TNFAIP8: variants seen among roughly 807,000 people sequenced by gnomAD.
The protein encoded by TNFAIP8 is TNF alpha induced protein 8, also known as tumor necrosis factor alpha-induced protein 8.
Under a neutral mutation model 13.3 loss-of-function variants are expected in TNFAIP8, and 7 were observed. The ratio of observed to expected loss-of-function variants is 0.52; its 90% CI spans 0.30 to 0.99. TNFAIP8 has a LOEUF of 0.99. Ranked by LOEUF, TNFAIP8 falls within the 50% of genes least tolerant of loss-of-function variation. TNFAIP8 has a pLI of 0.07. For synonymous variants in TNFAIP8, 94 were observed against 87.6 expected (o/e 1.07, Z -0.41); for missense variants, 258 against 236.9 (o/e 1.09, Z -0.58).
intron 1 of TNFAIP8, among the ~76,000 whole-genome samples, chr5:119,285,508 C>T (rs1279066697): frequency 6.6e-6 from 1 of 152,084 alleles, no homozygotes; most frequent in Middle Eastern, 3.2e-3. Context: ...CCAGGAGGCT[C>T]CAGAACTACA....
chr5:119,345,504 A>G (rs1049536334), intron 1 of TNFAIP8, among the ~76,000 whole-genome samples: 1 of 152,244 alleles, frequency 6.6e-6, no homozygotes, highest in African/African-American at 2.4e-5. Flanking sequence ...TACACATACA[A>G]TGGAATATCA....
chr5:119,388,262 C>T (rs1271769991), intron 1 of TNFAIP8, among the ~76,000 whole-genome samples: 6 of 152,114 alleles, frequency 3.9e-5, no homozygotes, highest in Non-Finnish European at 7.4e-5. Flanking sequence ...TACTCTGGAG[C>T]GCACTTAGAG....
upstream of TNFAIP8, chr5:119,355,271 C>G (rs1228415321): frequency 1.3e-5 from 9 of 700,288 alleles, no homozygotes; most frequent in African/African-American, 3.5e-5. Flanking sequence ...GTGCTCTCCC[C>G]CTGAGGAAGG....
chr5:119,290,572 T>C (rs1340159575), intron 1 of TNFAIP8, among the ~76,000 whole-genome samples: 1 of 152,228 alleles, frequency 6.6e-6, no homozygotes, highest in Non-Finnish European at 1.5e-5. Flanking sequence ...TTGCTTGATC[T>C]CCATTGCTGT....
chr5:119,337,773 A>G (rs1750601945), intron 1 of TNFAIP8, among the ~76,000 whole-genome samples: 1 of 152,138 alleles, frequency 6.6e-6, no homozygotes, highest in Admixed American at 6.5e-5. Context: ...CATGTGGGAG[A>G]TGGAGAATGA....
intron 1 of TNFAIP8, among the ~76,000 whole-genome samples, chr5:119,380,859 T>G (rs1440114242): frequency 6.6e-6 from 1 of 152,218 alleles, no homozygotes; most frequent in East Asian, 1.9e-4. Context: ...TATAGTGAGC[T>G]CTGTTTAGAA....
At chr5:119,282,227 T>G (rs1315267469) in intron 1 of TNFAIP8, among the ~76,000 whole-genome samples, 1 of 152,234 alleles carries the variant, frequency 6.6e-6, no homozygotes, top group Non-Finnish European at 1.5e-5. Flanking sequence ...AGCCACTTAC[T>G]CTCAGTAGCT....
intron 1 of TNFAIP8, among the ~76,000 whole-genome samples, chr5:119,289,672 C>T (rs1748923197): frequency 6.6e-6 from 1 of 152,188 alleles, no homozygotes; most frequent in Non-Finnish European, 1.5e-5. Context: ...CCTCTTCCTC[C>T]TGTTCCCATC....
intron 1 of TNFAIP8, among the ~76,000 whole-genome samples, chr5:119,350,029 T>C (rs1351946468): frequency 6.6e-6 from 1 of 152,218 alleles, no homozygotes; most frequent in Admixed American, 6.5e-5. Flanking sequence ...GTAACCTCCA[T>C]TTCTTTAATT....
At chr5:119,326,634 T>A (rs1233028876) in intron 1 of TNFAIP8, among the ~76,000 whole-genome samples, 2 of 152,054 alleles carry the variant, frequency 1.3e-5, no homozygotes, top group African/African-American at 4.8e-5. Flanking sequence ...CATGGCAGTG[T>A]TAAGGGTGAT....
upstream of TNFAIP8, among the ~76,000 whole-genome samples, chr5:119,351,796 C>CTT (rs59878292): frequency 6.3e-5 from 8 of 127,730 alleles, no homozygotes; most frequent in South Asian, 2.5e-4. Flanking sequence ...TTCTTTTTTT[C>CTT]TTTTTTTTTT....
At chr5:119,335,292 G>A (rs184774778) in intron 1 of TNFAIP8, among the ~76,000 whole-genome samples, 3 of 152,294 alleles carry the variant, frequency 2.0e-5, no homozygotes, top group East Asian at 1.9e-4. Context: ...TTAAATGAAC[G>A]AGAGAGAGGA....
At chr5:119,352,576 A>C (rs183964200), upstream of TNFAIP8, among the ~76,000 whole-genome samples, 665 of 152,290 alleles carry the variant, frequency 4.4e-3, 7 homozygotes, top group South Asian at 0.042. Flanking sequence ...TCCTAATTAA[A>C]AGGTACCTTG....
intron 1 of TNFAIP8, among the ~76,000 whole-genome samples, chr5:119,307,091 TG>T (rs778672228): frequency 6.6e-6 from 1 of 152,226 alleles, no homozygotes; most frequent in Non-Finnish European, 1.5e-5. Context: ...AATTACTCTT[TG>T]GGACTCGCCT....
chr5:119,283,752 A>G (rs1049111366), intron 1 of TNFAIP8, among the ~76,000 whole-genome samples: 5 of 152,126 alleles, frequency 3.3e-5, no homozygotes, highest in Admixed American at 3.3e-4. Context: ...CATGAGCCTG[A>G]CTGCCCTAGT....
At chr5:119,329,943 T>C (rs964604678) in intron 1 of TNFAIP8, among the ~76,000 whole-genome samples, 1 of 152,082 alleles carries the variant, frequency 6.6e-6, no homozygotes, top group African/African-American at 2.4e-5. Flanking sequence ...TCTGAGCATA[T>C]TGTTTATCTC....
intron 1 of TNFAIP8, among the ~76,000 whole-genome samples, chr5:119,281,842 A>G (rs919536475): frequency 9.2e-5 from 14 of 152,356 alleles, no homozygotes; most frequent in Admixed American, 9.1e-4. Context: ...GGGGATCATG[A>G]GAACAATATT....
intron 1 of TNFAIP8, among the ~76,000 whole-genome samples, chr5:119,382,978 A>G (rs933690979): frequency 1.3e-5 from 2 of 152,334 alleles, no homozygotes; most frequent in African/African-American, 4.8e-5. Flanking sequence ...TGGGTAAGCA[A>G]AGTTAAAATG....
At chr5:119,356,632 A>G (rs1751432275) in intron 1 of TNFAIP8, among the ~76,000 whole-genome samples, 1 of 152,008 alleles carries the variant, frequency 6.6e-6, no homozygotes, top group South Asian at 2.1e-4. Context: ...CTGGGTTTTC[A>G]GCAGTGAGTT....
Sources: allele counts gnomAD v4.1 joint callset (sites outside exome capture counted in the v4.1 genomes callset), GRCh38; gene constraint gnomAD v4.1.1; transcripts MANE v1.5; gene names NCBI Gene and HGNC (gene_info 2026-07-23, HGNC 2026-07-21).